The following CREB5 variants were observed in gnomAD, a reference collection of about 807,000 sequenced individuals.
The protein encoded by CREB5 is cyclic AMP-responsive element-binding protein 5.
CREB5 carries 19 observed loss-of-function variants against 57.1 expected under a neutral mutation model. The observed-to-expected ratio is 0.33, with a 90% CI of 0.23 to 0.49. CREB5 has a LOEUF of 0.49. Among genes scored for constraint, CREB5 ranks in the 20% least tolerant of loss-of-function variants. The probability of loss-of-function intolerance (pLI) is 0.99; values close to 1 mark genes in which losing one functional copy is unlikely to be tolerated. For synonymous variants in CREB5, 238 were observed against 238.3 expected (o/e 1.00, Z 0.01); for missense variants, 579 against 671.6 (o/e 0.86, Z 1.52).
Position 28,818,191 on chromosome 7 carries a change from A to G in CREB5, c.1363+12A>G. The stretch of plus-strand genomic sequence containing the variant: ...ACAAGGATATCTAAGTAAGTCGCCG[A>G]CTTTTTCACTTTTCTTTAGTGTCCA... On this transcript the variant is annotated intron_variant, in intron 10 of 10. Transcript: ENST00000357727. 6.3e-7 allele frequency: 1 copy of G among 1,586,256 alleles called. No homozygotes were observed. The highest frequency in any genetic ancestry group is 1.1e-5 in the South Asian group (1 of 88,868).
chr7:28,427,741 A>G (rs1788565128), intron 1 of CREB5, among the ~76,000 whole-genome samples: 1 of 151,886 alleles, frequency 6.6e-6, no homozygotes, highest in African/African-American at 2.4e-5. Flanking sequence ...CTCCTCTTGC[A>G]TTTCCAAAGC....
chr7:28,539,813 T>A (rs1794132438), intron 4 of CREB5, among the ~76,000 whole-genome samples: 1 of 152,208 alleles, frequency 6.6e-6, no homozygotes, highest in Non-Finnish European at 1.5e-5. Flanking sequence ...CGTCACCTTG[T>A]GGGAACTCAA....
At chr7:28,387,618 G>T (rs373647202) in intron 1 of CREB5, among the ~76,000 whole-genome samples, 2 of 151,982 alleles carry the variant, frequency 1.3e-5, no homozygotes, top group South Asian at 2.1e-4. Flanking sequence ...AGCAACACAC[G>T]CTGGGGCCTG....
chr7:28,521,815 A>G (rs1446908568), intron 4 of CREB5, among the ~76,000 whole-genome samples: 3 of 152,214 alleles, frequency 2.0e-5, no homozygotes, highest in Admixed American at 6.5e-5. Flanking sequence ...ATGTGTTAGG[A>G]AAGGATATTA....
intron 1 of CREB5, among the ~76,000 whole-genome samples, chr7:28,444,103 C>T (rs1384552409): frequency 2.0e-5 from 3 of 152,068 alleles, no homozygotes; most frequent in African/African-American, 4.8e-5. Flanking sequence ...TCCCTGTTGC[C>T]CCTCCATCAA....
At chr7:28,757,167 C>T (rs1387712833) in intron 7 of CREB5, among the ~76,000 whole-genome samples, 2 of 152,090 alleles carry the variant, frequency 1.3e-5, no homozygotes, top group South Asian at 2.1e-4. Flanking sequence ...TTCTCGCAAC[C>T]GTCGTATATG....
At chr7:28,440,350 G>C (rs773863467) in intron 1 of CREB5, among the ~76,000 whole-genome samples, 5 of 152,112 alleles carry the variant, frequency 3.3e-5, no homozygotes, top group Non-Finnish European at 5.9e-5. Flanking sequence ...TAATTTTTAA[G>C]CGAGGCCTGT....
intron 3 of CREB5, among the ~76,000 whole-genome samples, chr7:28,497,100 G>C (rs1396794362): frequency 6.6e-6 from 1 of 152,174 alleles, no homozygotes. Context: ...TAAGCTGCCT[G>C]GTGGTAAAGG....
At chr7:28,327,912 A>G (rs1785637663) in intron 1 of CREB5, among the ~76,000 whole-genome samples, 1 of 152,142 alleles carries the variant, frequency 6.6e-6, no homozygotes, top group Admixed American at 6.5e-5. Context: ...TTCCTTTTTC[A>G]AAAAACAAGT....
At chr7:28,726,393 C>T (rs2299111) in intron 7 of CREB5, among the ~76,000 whole-genome samples, 19,819 of 152,128 alleles carry the variant, frequency 0.13, 1,455 homozygotes, top group Admixed American at 0.17. Context: ...ATATGTCACT[C>T]AGCATCTCTG....
At chr7:28,375,041 T>C (rs1786793495) in intron 1 of CREB5, among the ~76,000 whole-genome samples, 1 of 152,118 alleles carries the variant, frequency 6.6e-6, no homozygotes, top group Non-Finnish European at 1.5e-5. Context: ...CAGGAGGTAA[T>C]GGAAATGGTT....
intron 4 of CREB5, among the ~76,000 whole-genome samples, chr7:28,560,795 A>C (rs1795056519): frequency 1.4e-5 from 2 of 143,538 alleles, no homozygotes; most frequent in South Asian, 2.3e-4. Flanking sequence ...CTCTGCTTCC[A>C]CAGTGTGTGT....
At chr7:28,608,308 A>G (rs1797242875) in intron 5 of CREB5, among the ~76,000 whole-genome samples, 1 of 151,930 alleles carries the variant, frequency 6.6e-6, no homozygotes, top group African/African-American at 2.4e-5. Flanking sequence ...TGAGTTTTTG[A>G]TAGGGGTAGG....
chr7:28,522,570 G>T (rs1189263312), intron 4 of CREB5, among the ~76,000 whole-genome samples: 1 of 151,590 alleles, frequency 6.6e-6, no homozygotes, highest in Admixed American at 6.6e-5. Flanking sequence ...TAATTTTTTT[G>T]TATTTTTAGT....
At chr7:28,560,811 T>TGTGTGTGCGCGCGCGC (rs1562796907) in intron 4 of CREB5, among the ~76,000 whole-genome samples, 1 of 34,414 alleles carries the variant, frequency 2.9e-5, no homozygotes, top group Admixed American at 2.6e-4. Context: ...TGTGTGCGCG[T>TGTGTGTGCGCGCGCGC]GTGTGTGTGT....
intron 3 of CREB5, among the ~76,000 whole-genome samples, chr7:28,495,470 A>T (rs1269181814): frequency 6.6e-6 from 1 of 150,732 alleles, no homozygotes; most frequent in African/African-American, 2.4e-5. Flanking sequence ...TGGACCCGGG[A>T]GGGGGAGGTT....
chr7:28,595,722 G>C (rs891390367), intron 5 of CREB5, among the ~76,000 whole-genome samples: 1 of 152,148 alleles, frequency 6.6e-6, no homozygotes, highest in Non-Finnish European at 1.5e-5. Context: ...CATGGAAATG[G>C]GTCTGGCTTA....
intron 1 of CREB5, among the ~76,000 whole-genome samples, chr7:28,398,199 C>T (rs1421576557): frequency 2.0e-5 from 3 of 152,146 alleles, no homozygotes; most frequent in Non-Finnish European, 2.9e-5. Context: ...AATGGTACCA[C>T]CATTTTCTCC....
In CREB5 at chr7:28,365,611, C is replaced by A. The variant is rs1388689528; in HGVS notation, c.-25+66170C>A. On this transcript the variant is annotated intron_variant, in intron 1 of 9. Transcript: ENST00000396299. The stretch of plus-strand genomic sequence containing the variant: ...ATTGAAAGTTGTTCTTACTTGCAGT[C>A]CCTACTTCTTCACCTCCCATTCTCT... 5.3e-5 allele frequency among the ~76,000 whole-genome samples: 8 copies of A among 152,106 alleles called. No homozygotes were observed. The East Asian group carries it at 1.5e-3, about 29-fold the overall frequency.
Sources: gnomAD v4.1 joint callset for allele counts (sites outside exome capture counted in the v4.1 genomes callset) on GRCh38, gnomAD v4.1.1 for gene constraint, MANE v1.5 for transcripts, NCBI Gene and HGNC (gene_info 2026-07-23, HGNC 2026-07-21) for gene names.